The following PDGFD variants were observed in gnomAD, a reference collection of about 807,000 sequenced individuals.
PDGFD encodes the protein platelet-derived growth factor D.
PDGFD carries 30 observed loss-of-function variants against 44.7 expected under a neutral mutation model. That is an observed-to-expected ratio of 0.67 (90% CI 0.50 to 0.91). The LOEUF (loss-of-function observed/expected upper bound fraction) is 0.91, where lower values mean the gene tolerates loss of function less well. Among genes scored for constraint, PDGFD ranks in the 40% least tolerant of loss-of-function variants. The probability of loss-of-function intolerance (pLI) is 0.00; values close to 1 mark genes in which losing one functional copy is unlikely to be tolerated. For missense variants in PDGFD, 445 were observed against 457.8 expected (o/e 0.97, Z 0.25); for synonymous variants, 173 against 168.4 (o/e 1.03, Z -0.21).
intron 2 of PDGFD, among the ~76,000 whole-genome samples, chr11:103,999,375 C>T (rs1047418506): frequency 1.3e-5 from 2 of 152,134 alleles, no homozygotes; most frequent in African/African-American, 4.8e-5. Context: ...ATGCTGTGAG[C>T]GGACATTCAA....
chr11:103,985,902 C>T (rs932295761), intron 3 of PDGFD, among the ~76,000 whole-genome samples: 1 of 152,052 alleles, frequency 6.6e-6, no homozygotes, highest in Non-Finnish European at 1.5e-5. Context: ...AGTGATTAGC[C>T]GGGCCCAGCC....
chr11:104,029,087 G>A (rs1860088358), intron 1 of PDGFD, among the ~76,000 whole-genome samples: 2 of 152,198 alleles, frequency 1.3e-5, no homozygotes, highest in Admixed American at 1.3e-4. Context: ...GAGTGAGATA[G>A]AATATTCATA....
chr11:104,088,015 A>G (rs1470058340), intron 1 of PDGFD, among the ~76,000 whole-genome samples: 2 of 152,230 alleles, frequency 1.3e-5, no homozygotes, highest in Non-Finnish European at 2.9e-5. Flanking sequence ...AAGGAAGCTG[A>G]AGGCTTTATA....
At chr11:104,108,148 T>C (rs1861496229) in intron 1 of PDGFD, among the ~76,000 whole-genome samples, 1 of 151,868 alleles carries the variant, frequency 6.6e-6, no homozygotes, top group South Asian at 2.1e-4. Flanking sequence ...AAGAAAGAGG[T>C]CTTGGTGCTT....
intron 1 of PDGFD, among the ~76,000 whole-genome samples, chr11:104,074,231 G>T (rs1172964640): frequency 6.6e-6 from 1 of 152,170 alleles, no homozygotes; most frequent in Non-Finnish European, 1.5e-5. Flanking sequence ...GCTGAGAACA[G>T]TAAAGCCAGC....
At chr11:104,133,280 A>G (rs12224840) in intron 1 of PDGFD, among the ~76,000 whole-genome samples, 13,190 of 152,164 alleles carry the variant, frequency 0.087, 643 homozygotes, top group East Asian at 0.24. Flanking sequence ...TAGAAATCAC[A>G]AATAACAAAT....
rs558676728 is a variant in PDGFD, at chr11:103,912,812, A to T, written c.988-2993T>A. ...TTACCAAGTAAATGGAAAACAAAAAAAAAAAGCAGGGGTTGCAATCCTAGT... is the reference window on the plus strand; with the variant it reads ...TTACCAAGTAAATGGAAAACAAAAATAAAAAGCAGGGGTTGCAATCCTAGT... On this transcript the variant is annotated intron_variant, in intron 6 of 6. Transcript: ENST00000393158. 6.6e-5 allele frequency among the ~76,000 whole-genome samples: 10 copies of T among 151,632 alleles called. 1 individual carries two copies. The East Asian group carries it at 1.7e-3, about 26-fold the overall frequency.
intron 1 of PDGFD, among the ~76,000 whole-genome samples, chr11:104,029,293 T>C (rs1364195453): frequency 2.0e-5 from 3 of 152,190 alleles, no homozygotes; most frequent in African/African-American, 7.2e-5. Context: ...GAAAAATAGG[T>C]GAGTTGATTT....
At chr11:103,982,019 C>T (rs1859279507) in intron 3 of PDGFD, among the ~76,000 whole-genome samples, 1 of 151,746 alleles carries the variant, frequency 6.6e-6, no homozygotes, top group South Asian at 2.1e-4. Context: ...TTATATGCTT[C>T]ATTTCTATTC....
intron 1 of PDGFD, among the ~76,000 whole-genome samples, chr11:104,078,411 C>A (rs1045124306): frequency 6.6e-6 from 1 of 152,102 alleles, no homozygotes; most frequent in Non-Finnish European, 1.5e-5. Flanking sequence ...CAGATTTATC[C>A]TTTTCTACTG....
chr11:104,019,836 T>TG (rs1342461939), intron 1 of PDGFD, among the ~76,000 whole-genome samples: 1 of 152,170 alleles, frequency 6.6e-6, no homozygotes, highest in African/African-American at 2.4e-5. Context: ...TAAAAATGTG[T>TG]TTGGAGTGTT....
intron 1 of PDGFD, among the ~76,000 whole-genome samples, chr11:104,115,924 G>C (rs11226175): frequency 0.13 from 19,833 of 151,970 alleles, 1,427 homozygotes; most frequent in East Asian, 0.29. Context: ...GTTTGTTGTA[G>C]ATTCTGGATA....
intron 1 of PDGFD, among the ~76,000 whole-genome samples, chr11:104,094,908 AC>A (rs1356810347): frequency 7.2e-5 from 11 of 152,256 alleles, no homozygotes; most frequent in Non-Finnish European, 1.3e-4. Context: ...AAAAATGCCC[AC>A]AAAACTTTGC....
intron 3 of PDGFD, among the ~76,000 whole-genome samples, chr11:103,992,261 C>T (rs747984300): frequency 6.6e-5 from 10 of 152,056 alleles, no homozygotes; most frequent in Non-Finnish European, 1.5e-4. Flanking sequence ...AACAAACACA[C>T]GGTCTAGCCA....
intron 1 of PDGFD, among the ~76,000 whole-genome samples, chr11:104,074,053 G>A (rs893448291): frequency 3.3e-5 from 5 of 152,118 alleles, no homozygotes; most frequent in Admixed American, 2.6e-4. Context: ...TGATATAGCA[G>A]AGGCATGAAA....
At chr11:104,132,932 A>T (rs1861945106) in intron 1 of PDGFD, among the ~76,000 whole-genome samples, 1 of 152,122 alleles carries the variant, frequency 6.6e-6, no homozygotes, top group South Asian at 2.1e-4. Context: ...TAACAAAATA[A>T]TCTTGATATC....
At chr11:104,118,239 C>G (rs1403964608) in intron 1 of PDGFD, among the ~76,000 whole-genome samples, 6 of 151,692 alleles carry the variant, frequency 4.0e-5, no homozygotes, top group Non-Finnish European at 7.4e-5. Flanking sequence ...GTAATTAGAT[C>G]ATGAGAGTGG....
At chr11:104,119,606 A>AATATAATATATTATGTATTATATTAAT (rs1861733217) in intron 1 of PDGFD, among the ~76,000 whole-genome samples, 2 of 94,542 alleles carry the variant, frequency 2.1e-5, no homozygotes, top group African/African-American at 4.4e-5. Flanking sequence ...ATAATATATT[A>AATATAATATATTATGTATTATATTAAT]ATATAATATA....
intron 1 of PDGFD, among the ~76,000 whole-genome samples, chr11:104,154,071 CT>C: frequency 6.6e-6 from 1 of 152,146 alleles, no homozygotes; most frequent in African/African-American, 2.4e-5. Context: ...ATAAATACCC[CT>C]TTATTTTAAA....
Sources: allele counts gnomAD v4.1 joint callset (sites outside exome capture counted in the v4.1 genomes callset), GRCh38; gene constraint gnomAD v4.1.1; transcripts MANE v1.5; gene names NCBI Gene and HGNC (gene_info 2026-07-23, HGNC 2026-07-21).